Variants in KCNAB1 observed in about 807,000 individuals in gnomAD.
The protein encoded by KCNAB1 is potassium voltage-gated channel subfamily A regulatory beta subunit 1, also known as voltage-gated potassium channel subunit beta-1.
In KCNAB1, 35 loss-of-function variants were observed where a neutral mutation model predicts 64.6. That is an observed-to-expected ratio of 0.54 (90% CI 0.41 to 0.72). The LOEUF (loss-of-function observed/expected upper bound fraction) is 0.72, where lower values mean the gene tolerates loss of function less well. Among genes scored for constraint, KCNAB1 ranks in the 30% least tolerant of loss-of-function variants. The pLI is 0.00. For synonymous variants in KCNAB1, 177 were observed against 183.8 expected (o/e 0.96, Z 0.30); for missense variants, 401 against 512.9 (o/e 0.78, Z 2.11).
intron 1 of KCNAB1, among the ~76,000 whole-genome samples, chr3:156,372,731 C>T (rs574739477): frequency 6.6e-6 from 1 of 152,248 alleles, no homozygotes; most frequent in Non-Finnish European, 1.5e-5. Context: ...AAAGAAACAG[C>T]GTGATGTTTC....
At chr3:156,337,538 C>T (rs747375321) in intron 1 of KCNAB1, among the ~76,000 whole-genome samples, 22 of 152,196 alleles carry the variant, frequency 1.4e-4, no homozygotes, top group Non-Finnish European at 2.6e-4. Flanking sequence ...CCTTCTCCAC[C>T]GATGAGTCCC....
At chr3:156,526,058 A>T (rs1658966235) in intron 12 of KCNAB1, among the ~76,000 whole-genome samples, 1 of 152,164 alleles carries the variant, frequency 6.6e-6, no homozygotes, top group South Asian at 2.1e-4. Flanking sequence ...TGCCCTACAC[A>T]GGTATACCAT....
intron 1 of KCNAB1, among the ~76,000 whole-genome samples, chr3:156,346,824 T>C (rs551760310): frequency 1.1e-4 from 16 of 152,338 alleles, no homozygotes; most frequent in African/African-American, 3.8e-4. Flanking sequence ...CCTTTGTATT[T>C]ATTTATCAGA....
intron 1 of KCNAB1, among the ~76,000 whole-genome samples, chr3:156,287,367 AAC>A (rs1720155145): frequency 6.6e-6 from 1 of 151,268 alleles, no homozygotes; most frequent in South Asian, 2.1e-4. Context: ...AAAAAAAAAA[AAC>A]TACCCCAGGG....
At chr3:156,279,749 G>A (rs1227215110) in intron 1 of KCNAB1, among the ~76,000 whole-genome samples, 1 of 152,108 alleles carries the variant, frequency 6.6e-6, no homozygotes, top group Non-Finnish European at 1.5e-5. Flanking sequence ...TTGTTTTTTG[G>A]CTGCATAAAT....
intron 1 of KCNAB1, among the ~76,000 whole-genome samples, chr3:156,195,742 G>A (rs560504379): frequency 5.3e-5 from 8 of 152,132 alleles, no homozygotes; most frequent in Non-Finnish European, 8.8e-5. Flanking sequence ...TAGATTGCCT[G>A]TTCACTCTGA....
intron 1 of KCNAB1, chr3:156,176,496 T>C: frequency 2.5e-6 from 2 of 793,470 alleles, no homozygotes; most frequent in Non-Finnish European, 4.7e-6. Context: ...CCCGTTTCAC[T>C]ATCCCACACA....
At chr3:156,403,932 T>C (rs905163624) in intron 1 of KCNAB1, among the ~76,000 whole-genome samples, 1 of 150,916 alleles carries the variant, frequency 6.6e-6, no homozygotes, top group Admixed American at 6.6e-5. Context: ...CATGCATAAT[T>C]GTGTACCAAA....
intron 8 of KCNAB1, among the ~76,000 whole-genome samples, chr3:156,487,797 A>G (rs1715322383): frequency 6.6e-6 from 1 of 152,048 alleles, no homozygotes; most frequent in Non-Finnish European, 1.5e-5. Flanking sequence ...AAACCCAATA[A>G]CCACTTTAAA....
At chr3:156,169,360 G>C (rs968876212) in intron 1 of KCNAB1, among the ~76,000 whole-genome samples, 1 of 152,192 alleles carries the variant, frequency 6.6e-6, no homozygotes, top group African/African-American at 2.4e-5. Flanking sequence ...GCAATGTTAT[G>C]TGGTGATTTT....
chr3:156,182,707 T>TTA (rs796140445), intron 1 of KCNAB1, among the ~76,000 whole-genome samples: 2 of 150,666 alleles, frequency 1.3e-5, no homozygotes, highest in East Asian at 1.9e-4. Context: ...TTTTTTTTTT[T>TTA]TTTTTTATTT....
chr3:156,446,323 C>T (rs1711550742), intron 2 of KCNAB1, among the ~76,000 whole-genome samples: 1 of 152,188 alleles, frequency 6.6e-6, no homozygotes, highest in African/African-American at 2.4e-5. Context: ...GATGCTCCCA[C>T]CTCCAGTTCC....
intron 1 of KCNAB1, among the ~76,000 whole-genome samples, chr3:156,250,299 A>G (rs1717743285): frequency 6.6e-6 from 1 of 152,186 alleles, no homozygotes; most frequent in African/African-American, 2.4e-5. Flanking sequence ...GAGGGCTTAT[A>G]AGGGGAGGAG....
At chr3:156,198,336 A>G (rs1714093131) in intron 1 of KCNAB1, among the ~76,000 whole-genome samples, 2 of 152,130 alleles carry the variant, frequency 1.3e-5, no homozygotes, top group African/African-American at 4.8e-5. Flanking sequence ...CAAGTCCTGA[A>G]TATCCTTGTT....
intron 1 of KCNAB1, among the ~76,000 whole-genome samples, chr3:156,145,821 T>G (rs189191851): frequency 6.6e-6 from 1 of 152,246 alleles, no homozygotes; most frequent in East Asian, 1.9e-4. Context: ...TACTCTGTAG[T>G]GTCTGTCCAT....
intron 1 of KCNAB1, among the ~76,000 whole-genome samples, chr3:156,303,673 A>T (rs1277894285): frequency 6.6e-6 from 1 of 152,206 alleles, no homozygotes; most frequent in Non-Finnish European, 1.5e-5. Context: ...ACTTTCAGCT[A>T]GGTGGCATCA....
At chr3:156,408,566 G>C (rs1201887270) in intron 1 of KCNAB1, among the ~76,000 whole-genome samples, 4 of 152,162 alleles carry the variant, frequency 2.6e-5, no homozygotes, top group Admixed American at 2.0e-4. Context: ...GATCACTTGA[G>C]GTCAAGAGTT....
intron 2 of KCNAB1, among the ~76,000 whole-genome samples, chr3:156,445,496 T>C (rs1029078199): frequency 1.3e-5 from 2 of 152,218 alleles, no homozygotes; most frequent in African/African-American, 2.4e-5. Context: ...ATACCATTTA[T>C]ATCCCCCCAG....
chr3:156,156,989 G>A (rs1021356588), intron 1 of KCNAB1, among the ~76,000 whole-genome samples: 7 of 152,116 alleles, frequency 4.6e-5, no homozygotes, highest in Non-Finnish European at 1.0e-4. Context: ...ACCAGCAATG[G>A]AAACTGAGAA....
Sources: gnomAD v4.1 joint callset for allele counts (sites outside exome capture counted in the v4.1 genomes callset) on GRCh38, gnomAD v4.1.1 for gene constraint, MANE v1.5 for transcripts, NCBI Gene and HGNC (gene_info 2026-07-23, HGNC 2026-07-21) for gene names.